WNK2: variants seen among roughly 807,000 people sequenced by gnomAD.
WNK2 encodes serine/threonine-protein kinase WNK2.
A neutral mutation model predicts 192.1 loss-of-function variants in WNK2; 67 were observed. The ratio of observed to expected loss-of-function variants is 0.35; its 90% CI spans 0.29 to 0.43. The LOEUF (loss-of-function observed/expected upper bound fraction) is 0.43, where lower values mean the gene tolerates loss of function less well. Among genes scored for constraint, WNK2 ranks in the 20% least tolerant of loss-of-function variants. WNK2 has a pLI of 1.00. For missense variants in WNK2, 2,698 were observed against 3,089.7 expected, an observed-to-expected ratio of 0.87 and a Z score of 3.01; for synonymous variants, 1,439 against 1,393.9, an observed-to-expected ratio of 1.03 and a Z score of -0.72.
At chr9:93,220,734 G>A (rs115270948) in intron 2 of WNK2, among the ~76,000 whole-genome samples, 1 of 152,160 alleles carries the variant, frequency 6.6e-6, no homozygotes. Flanking sequence ...TTCAGGTCCC[G>A]GGAGAGGCTT....
chr9:93,230,225 C>T (rs889370740), intron 3 of WNK2, among the ~76,000 whole-genome samples: 5 of 152,076 alleles, frequency 3.3e-5, no homozygotes, highest in Non-Finnish European at 7.4e-5. Context: ...GGGGTGGCCA[C>T]GGCAGCCTGT....
chr9:93,280,066 G>C (rs190744285), intron 19 of WNK2, among the ~76,000 whole-genome samples: 27 of 152,284 alleles, frequency 1.8e-4, no homozygotes, highest in African/African-American at 6.5e-4. Context: ...ATTCGTCAAA[G>C]TTTAAACTGT....
intron 8 of WNK2, 82 bp from the exon 9 acceptor site, chr9:93,252,801 A>G: frequency 8.0e-7 from 1 of 1,249,968 alleles, no homozygotes; most frequent in Non-Finnish European, 1.1e-6. Flanking sequence ...TATTTTGCAG[A>G]AGAAAATATG....
Position 93,258,978 on chromosome 9 carries a change from C to T in WNK2, c.2430C>T (p.Ile810=), listed in dbSNP as rs754316465. 32 of 1,612,620 alleles carry T rather than the reference C, an allele frequency of 2.0e-5. No homozygotes were observed. The South Asian group carries it at 2.7e-4, about 14-fold the overall frequency. The change falls in exon 12 of 30, where the codon ATC becomes ATT. Residue 810 remains isoleucine, a synonymous_variant. Transcript: ENST00000427277. ...CCCCCATCACGCCCCTGGCGGGAAT[C>T]GACGGCCTCCCTCCGGCCCTCCCAG... ...VVPPITPLAG[I]DGLPPALPDL... is the part of the protein sequence containing the mutation.
intron 2 of WNK2, among the ~76,000 whole-genome samples, chr9:93,197,967 C>G (rs1045922896): frequency 6.6e-6 from 1 of 152,156 alleles, no homozygotes; most frequent in African/African-American, 2.4e-5. Flanking sequence ...ATGCTCACGT[C>G]AGTGGGGCAC....
intron 2 of WNK2, among the ~76,000 whole-genome samples, chr9:93,203,552 C>G (rs1490013580): frequency 6.6e-6 from 1 of 152,162 alleles, no homozygotes; most frequent in Non-Finnish European, 1.5e-5. Flanking sequence ...CGTTGAAGGC[C>G]TAGTCCCCTG....
intron 28 of WNK2, chr9:93,315,404 T>G (rs1424435003): frequency 6.6e-6 from 1 of 152,258 alleles, no homozygotes. Context: ...CACAAAGTGA[T>G]GCGGATGGCC....
At chr9:93,231,129 C>G in intron 4 of WNK2, 21 bp downstream of exon 4, 2 of 1,610,058 alleles carry the variant, frequency 1.2e-6, no homozygotes, top group Non-Finnish European at 1.7e-6. Context: ...TTCTCCTCCC[C>G]AGGCCCTTGG....
chr9:93,261,906 T>G lies in WNK2; in HGVS notation c.3159T>G (p.Pro1053=). 1.2e-6 allele frequency: 2 copies of G among 1,606,490 alleles called. No homozygotes were observed. Among genetic ancestry groups the G allele is most frequent in the South Asian group, 1.1e-5 (1 of 91,066 alleles). Residue 1053 remains proline, a synonymous_variant, in exon 13 of 30, where the codon CCT becomes CCG. Transcript: ENST00000427277. The part of the protein sequence containing the change: ...PVPPAAVLSP[P]LPEVLLPAAP... ...CACCGGCTGCGGTCCTCTCGCCGCC[T>G]CTGCCGGAAGTGCTGCTGCCTGCCG...
At chr9:93,233,422 A>G (rs549652718) in intron 4 of WNK2, among the ~76,000 whole-genome samples, 1 of 152,236 alleles carries the variant, frequency 6.6e-6, no homozygotes, top group South Asian at 2.1e-4. Flanking sequence ...GTGGCCAGGC[A>G]CAGTGACTCA....
At position 93,259,562 on chromosome 9, in the gene WNK2, T is replaced by C. The variant is rs761567201; in HGVS notation, c.3014T>C (p.Leu1005Pro). 7 of 1,584,982 alleles carry C rather than the reference T, an allele frequency of 4.4e-6. No individual in the cohort carries two copies. The highest frequency in any genetic ancestry group is 1.7e-4 in the Middle Eastern group (1 of 6,012). Reference sequence around the variant, plus strand: ...GCACTGCCTGTGCGCCCTGAGCCCCTCCAGCCCCACCTTCCTGAACAAGCT... The same window carrying C: ...GCACTGCCTGTGCGCCCTGAGCCCCCCCAGCCCCACCTTCCTGAACAAGCT... ...QPALPVRPEP[L>P]QPHLPEQAAP... The change falls in exon 12 of 30, where the codon CTC (leucine) becomes CCC (proline). Residue 1005 changes from leucine (L) to proline (P), a missense_variant. By Grantham distance (98) the Leu-to-Pro change is moderately conservative. Transcript: ENST00000427277. The surrounding 1 kb of genome is among the most constrained non-coding windows in gnomAD (Gnocchi z 4.8).
intron 2 of WNK2, among the ~76,000 whole-genome samples, chr9:93,194,027 A>G (rs766720888): frequency 2.0e-5 from 3 of 152,190 alleles, no homozygotes; most frequent in Non-Finnish European, 4.4e-5. Context: ...TTTTCAACAA[A>G]TGGCGCTGGA....
chr9:93,275,498 C>T (rs577479850), intron 19 of WNK2, among the ~76,000 whole-genome samples: 2 of 152,298 alleles, frequency 1.3e-5, no homozygotes, highest in South Asian at 4.1e-4. Flanking sequence ...TAAAAACCCA[C>T]CGTTTCCAGC....
chr9:93,204,522 A>G (rs1833029682), intron 2 of WNK2, among the ~76,000 whole-genome samples: 1 of 152,146 alleles, frequency 6.6e-6, no homozygotes, highest in African/African-American at 2.4e-5. Context: ...TCCCCCAGCA[A>G]ACTGTTGTCG....
intron 19 of WNK2, among the ~76,000 whole-genome samples, chr9:93,284,321 A>T (rs1041327607): frequency 6.6e-6 from 1 of 152,240 alleles, no homozygotes; most frequent in African/African-American, 2.4e-5. Context: ...AATAGTAGCA[A>T]ATTAAATCTA....
chr9:93,306,828 AT>A lies in WNK2; in HGVS notation c.6259+8del. The A allele has an allele frequency of 1.2e-6, 2 of 1,614,016 alleles. No individual in the cohort carries two copies. Among genetic ancestry groups the A allele is most frequent in the Admixed American group, 1.7e-5 (1 of 60,036 alleles). On this transcript the variant is annotated splice_region_variant and intron_variant, in intron 27 of 29. Coordinates refer to ENST00000427277, the MANE Select transcript of WNK2 (RefSeq NM_006648.4). ...GGCAAAGAACACAGCAGTAGTAATT[AT>A]CCGGGTTTTTTCCCCTTTGTCCTCT... is the stretch of plus-strand genomic sequence containing the variant.
At chr9:93,237,573 T>G (rs1170886352) in intron 5 of WNK2, among the ~76,000 whole-genome samples, 1 of 152,240 alleles carries the variant, frequency 6.6e-6, no homozygotes, top group Non-Finnish European at 1.5e-5. Flanking sequence ...TTTAACCTGC[T>G]TGCCTACAAG....
At position 93,256,355 on chromosome 9, in the gene WNK2, G is replaced by A; in HGVS notation, c.2091G>A (p.Gln697=). ...CCGCCTGCCCTCCGTCCCTCCAGCA[G>A]CACTTCCCGGATCCGGCCATGAGCT... The part of the protein sequence containing the change: ...PAPACPPSLQ[Q]HFPDPAMSFA... The change falls in exon 10 of 30, where the codon CAG becomes CAA. Residue 697 remains glutamine (Q), a synonymous_variant. Coordinates refer to ENST00000427277, the MANE Select transcript of WNK2 (RefSeq NM_006648.4). The A allele has an allele frequency of 6.3e-7, 1 of 1,584,554 alleles. No homozygotes were observed.
intron 23 of WNK2, among the ~76,000 whole-genome samples, chr9:93,296,738 C>T (rs2133991619): frequency 1.0e-5 from 1 of 96,882 alleles, no homozygotes; most frequent in East Asian, 3.6e-4. Flanking sequence ...CCTCACTTTC[C>T]TCCTCCTCCT....
Sources: gnomAD v4.1 joint callset for allele counts (sites outside exome capture counted in the v4.1 genomes callset) on GRCh38, gnomAD v4.1.1 for gene constraint, Gnocchi (gnomAD v3.1) non-coding constraint, MANE v1.5 for transcripts, NCBI Gene and HGNC (gene_info 2026-07-23, HGNC 2026-07-21) for gene names.